Variants in TSKS observed in about 807,000 individuals in gnomAD.
TSKS encodes the protein testis-specific serine kinase substrate.
Under a neutral mutation model 68.0 loss-of-function variants are expected in TSKS, and 27 were observed. The ratio of observed to expected loss-of-function variants is 0.40; its 90% CI spans 0.29 to 0.55. The LOEUF is 0.55. TSKS is among the 20% of genes least tolerant of loss of function. The probability of loss-of-function intolerance (pLI) is 0.53; values close to 1 mark genes in which losing one functional copy is unlikely to be tolerated. For missense variants in TSKS, 806 were observed against 776.0 expected (o/e 1.04, Z -0.46); for synonymous variants, 331 against 340.4 (o/e 0.97, Z 0.30).
At position 49,740,109 on chromosome 19, in the gene TSKS, G is replaced by T; in HGVS notation, c.1572C>A (p.Asp524Glu). ...GTAGGTTCTTGGCCCGCAGGGCCTC[G>T]TCTTGGGCCAGCCGAAGGGTGGAGC... is the stretch of plus-strand genomic sequence containing the variant. The part of the protein sequence containing the change: ...ALSSTLRLAQ[D>E]EALRAKNLLL... The change falls in exon 10 of 11, where the codon GAC becomes GAA. Residue 524 changes from aspartate to glutamate, a missense_variant. Coordinates refer to ENST00000246801, the MANE Select transcript of TSKS (RefSeq NM_021733.2). 2.5e-6 allele frequency: 4 copies of T among 1,614,136 alleles called. No individual in the cohort carries two copies. Among genetic ancestry groups the T allele is most frequent in the Non-Finnish European group, 3.4e-6 (4 of 1,180,034 alleles).
At chr19:49,744,567 C>T (rs1264774485) in intron 7 of TSKS, among the ~76,000 whole-genome samples, 163 bp from the exon 8 acceptor site, 1 of 152,070 alleles carries the variant, frequency 6.6e-6, no homozygotes, top group Non-Finnish European at 1.5e-5. Context: ...TTGTATTTTA[C>T]TTTATGTTAT....
chr19:49,763,086 C>T lies in TSKS; in HGVS notation c.162G>A (p.Ser54=), dbSNP rs199672863. The T allele has an allele frequency of 1.2e-5, 19 of 1,611,670 alleles. No individual in the cohort carries two copies. Among genetic ancestry groups the T allele is most frequent in the South Asian group, 1.1e-4 (10 of 90,848 alleles). The change falls in exon 1 of 11, where the codon TCG becomes TCA. Residue 54 remains serine, a synonymous_variant. Transcript: ENST00000246801. This position sits in a 1 kb window ranked among gnomAD's most constrained non-coding sequence, Gnocchi z 4.5. ...GTGTGCAACAAACCCACCCGTGGAA[C>T]GACACGGCCTTCTTTTTCTTCGGGA... is the stretch of plus-strand genomic sequence containing the variant. ...KGIPKKKKAV[S]FHGVEPQMSH... is the part of the protein sequence containing the mutation.
intron 5 of TSKS, 181 bp downstream of exon 5, chr19:49,747,208 A>C (rs2084310393): frequency 7.8e-6 from 12 of 1,537,718 alleles, no homozygotes; most frequent in Non-Finnish European, 1.0e-5. Flanking sequence ...AGAGTCCCCC[A>C]TCTGGGTGTT....
intron 2 of TSKS, among the ~76,000 whole-genome samples, chr19:49,754,871 A>G (rs985043423): frequency 2.0e-5 from 3 of 151,962 alleles, no homozygotes; most frequent in African/African-American, 7.3e-5. Context: ...AGGCCAAGGC[A>G]GGCGGATCAC....
Position 49,762,132 on chromosome 19 carries a change from C to T in TSKS, c.271G>A (p.Glu91Lys). 1 of 1,614,128 alleles carries T rather than the reference C, an allele frequency of 6.2e-7. No homozygotes were observed. Among genetic ancestry groups the T allele is most frequent in the Non-Finnish European group, 8.5e-7 (1 of 1,180,016 alleles). ...NVSLLNLAAM[E>K]PTDSTGTDST... ...TCTGTCCCCGTGGAGTCAGTGGGCT[C>T]CATGGCGGCCAGGTTGAGCAGTGAC... Residue 91 changes from glutamate to lysine, a missense_variant, in exon 2 of 11, where the codon GAG becomes AAG. Transcript: ENST00000246801.
chr19:49,746,245 C>T (rs2084298302), intron 6 of TSKS, among the ~76,000 whole-genome samples: 1 of 152,160 alleles, frequency 6.6e-6, no homozygotes, highest in African/African-American at 2.4e-5. Context: ...CCGCCCACCG[C>T]AGCTCCTGGA....
chr19:49,747,422 G>A lies in TSKS; in HGVS notation c.630C>T (p.Thr210=). The A allele has an allele frequency of 6.2e-7, 1 of 1,614,184 alleles. No individual in the cohort carries two copies. Among genetic ancestry groups the A allele is most frequent in the Non-Finnish European group, 8.5e-7 (1 of 1,180,038 alleles). ...GGGCAGAATTCTGCTTCAAGACGTT[G>A]GTTTTGATTTCAGCATCTTCCACAG... ...TRSVEDAEIK[T]NVLKQNSALL... Residue 210 remains threonine (T), a synonymous_variant, in exon 5 of 11, where the codon ACC becomes ACT. Transcript: ENST00000246801.
chr19:49,751,899 CAAAAAA>C (rs61310693), intron 2 of TSKS, among the ~76,000 whole-genome samples: 1,232 of 41,648 alleles, frequency 0.03, 22 homozygotes, highest in African/African-American at 0.086. Context: ...CCCAACTCTA[CAAAAAA>C]AAAAAAAAAA....
intron 2 of TSKS, among the ~76,000 whole-genome samples, chr19:49,750,968 A>G (rs2084345155): frequency 6.6e-6 from 1 of 152,182 alleles, no homozygotes; most frequent in African/African-American, 2.4e-5. Flanking sequence ...AAGAAGTGGA[A>G]TAAGAAATAT....
In TSKS at chr19:49,746,772, C is replaced by T. The variant is rs1236786902; in HGVS notation, c.690G>A (p.Gln230=). 1 of 1,600,724 alleles carries T rather than the reference C, an allele frequency of 6.2e-7. No individual in the cohort carries two copies. The highest frequency in any genetic ancestry group is 8.5e-7 in the Non-Finnish European group (1 of 1,179,784). The change falls in exon 6 of 11, where the codon CAG becomes CAA. Residue 230 remains glutamine (Q), a synonymous_variant. Transcript: ENST00000246801. ...GCCGTCGCGGCGTCTCATCCTGCAGCTGCTGCTGGAGGTAGCGCAGCTTCT... is the reference window on the plus strand; with the variant it reads ...GCCGTCGCGGCGTCTCATCCTGCAGTTGCTGCTGGAGGTAGCGCAGCTTCT... ...LEEKLRYLQQ[Q]LQDETPRRQE...
chr19:49,751,812 C>T (rs772201706), intron 2 of TSKS, among the ~76,000 whole-genome samples: 1 of 149,792 alleles, frequency 6.7e-6, no homozygotes, highest in Non-Finnish European at 1.5e-5. Flanking sequence ...CCTGTAATCC[C>T]AGCACTTTGG....
At chr19:49,744,839 G>C (rs2084282858) in intron 7 of TSKS, among the ~76,000 whole-genome samples, 1 of 152,006 alleles carries the variant, frequency 6.6e-6, no homozygotes, top group Non-Finnish European at 1.5e-5. Flanking sequence ...ATCCGCCCAC[G>C]TCGGCCTCCC....
At chr19:49,745,522 C>T (rs534915807) in intron 6 of TSKS, 126 bp from the exon 7 acceptor site, 1 of 792,384 alleles carries the variant, frequency 1.3e-6, no homozygotes, top group East Asian at 3.1e-5. Context: ...TGGCTCCAGA[C>T]CCACCCAGGT....
chr19:49,754,655 C>A (rs564849333), intron 2 of TSKS, among the ~76,000 whole-genome samples: 3 of 152,062 alleles, frequency 2.0e-5, no homozygotes, highest in African/African-American at 7.2e-5. Flanking sequence ...ACTTACTAGG[C>A]AAACACTTTA....
intron 2 of TSKS, 56 bp from the exon 3 acceptor site, chr19:49,748,525 C>A (rs2084322750): frequency 2.0e-6 from 3 of 1,535,448 alleles, no homozygotes; most frequent in Admixed American, 1.8e-5. Flanking sequence ...AAGCCCCAAG[C>A]CCAGGAAGAA....
In TSKS at chr19:49,741,908, GA is replaced by G; in HGVS notation, c.1473del (p.Gln492ArgfsTer15). On this transcript the variant is annotated frameshift_variant, in exon 9 of 11. Transcript: ENST00000246801. LOFTEE classifies it high-confidence loss of function. ...ACCAGAATCTTCTTGTGTAGCCTCT[GA>G]CAGCTGGGACAGGCAGGAGTCAGGC... Reference protein sequence around the residue: ...QRGLTPACPSCQRLHKKILEL... With the variant: ...QRGLTPACPSXQRLHKKILEL... 1 of 1,614,232 alleles carries G rather than the reference GA, an allele frequency of 6.2e-7. No individual in the cohort carries two copies. The highest frequency in any genetic ancestry group is 8.5e-7 in the Non-Finnish European group (1 of 1,180,044).
rs763456721 is a variant in TSKS at position 49,741,983 on chromosome 19, G to T, written c.1399C>A (p.Leu467Met). Residue 467 changes from leucine (L) to methionine (M), a missense_variant, in exon 9 of 11, where the codon CTG (leucine) becomes ATG (methionine). Coordinates refer to ENST00000246801, the MANE Select transcript of TSKS (RefSeq NM_021733.2). The stretch of plus-strand genomic sequence containing the variant: ...AGTGAGGTCAGTGCTCGGTCCAGCA[G>T]CTGCTGCAGGGACTCCGTAGACAAC... ...SQLSTESLQQ[L>M]LDRALTSLVD... 2 of 1,614,166 alleles carry T rather than the reference G, an allele frequency of 1.2e-6. No homozygotes were observed. Among genetic ancestry groups the T allele is most frequent in the Non-Finnish European group, 1.7e-6 (2 of 1,180,042 alleles).
intron 1 of TSKS, among the ~76,000 whole-genome samples, chr19:49,762,521 C>T (rs1335065378): frequency 6.6e-6 from 1 of 151,638 alleles, no homozygotes; most frequent in Non-Finnish European, 1.5e-5. Context: ...ACTGCGGGTC[C>T]CAGTTCAAGC....
chr19:49,753,043 A>G (rs1001383443), intron 2 of TSKS, among the ~76,000 whole-genome samples: 1 of 152,248 alleles, frequency 6.6e-6, no homozygotes, highest in Non-Finnish European at 1.5e-5. Flanking sequence ...TTAGCTAACC[A>G]CTAAAATTAG....
Sources: gnomAD v4.1 joint callset for allele counts (sites outside exome capture counted in the v4.1 genomes callset) on GRCh38, gnomAD v4.1.1 for gene constraint, Gnocchi (gnomAD v3.1) non-coding constraint, MANE v1.5 for transcripts, NCBI Gene and HGNC (gene_info 2026-07-23, HGNC 2026-07-21) for gene names.